The following LSAMP variants were observed in gnomAD, a reference collection of about 807,000 sequenced individuals.
LSAMP encodes limbic system-associated membrane protein.
A neutral mutation model predicts 38.6 loss-of-function variants in LSAMP; 7 were observed. The observed-to-expected ratio is 0.18, with a 90% CI of 0.10 to 0.34. The LOEUF (loss-of-function observed/expected upper bound fraction) is 0.34. Ranked by LOEUF, LSAMP falls within the 10% of genes least tolerant of loss-of-function variation. The probability of loss-of-function intolerance (pLI) is 1.00; values close to 1 mark genes in which losing one functional copy is unlikely to be tolerated. For synonymous variants in LSAMP, 154 were observed against 166.8 expected, an observed-to-expected ratio of 0.92 and a Z score of 0.59; for missense variants, 313 against 420.0, an observed-to-expected ratio of 0.75 and a Z score of 2.23.
At chr3:116,319,386 T>G (rs574673016) in intron 1 of LSAMP, among the ~76,000 whole-genome samples, 1 of 152,312 alleles carries the variant, frequency 6.6e-6, no homozygotes, top group African/African-American at 2.4e-5. Flanking sequence ...TGTATACAGA[T>G]AGTTACATGA....
rs139597247 is a variant in LSAMP, at chr3:116,103,009, C to CA, written c.156-16454dup. Among the ~76,000 whole-genome samples, 1,351 of 151,888 alleles carry CA rather than the reference C, an allele frequency of 8.9e-3. 11 individuals are homozygous for CA. The highest frequency in any genetic ancestry group is 0.014 in the Non-Finnish European group (950 of 67,912). ...TCAATCACAGTATTACCCACCCCCC[C>CA]AAAAAAAACTTTACTAAAGGAAGTT... On this transcript the variant is annotated intron_variant, in intron 1 of 6. Transcript: ENST00000490035.
intron 1 of LSAMP, among the ~76,000 whole-genome samples, chr3:116,139,412 C>T (rs1382536788): frequency 1.3e-5 from 2 of 151,988 alleles, no homozygotes; most frequent in Admixed American, 6.6e-5. Flanking sequence ...TTCATTATGA[C>T]ATCAATGAAG....
intron 6 of LSAMP, among the ~76,000 whole-genome samples, chr3:115,820,063 T>A (rs975229341): frequency 6.6e-6 from 1 of 151,874 alleles, no homozygotes; most frequent in African/African-American, 2.4e-5. Flanking sequence ...CATGAAATAG[T>A]ACTCTTTAAG....
intron 6 of LSAMP, among the ~76,000 whole-genome samples, chr3:115,817,681 C>A (rs1355446678): frequency 6.6e-6 from 1 of 152,142 alleles, no homozygotes; most frequent in Non-Finnish European, 1.5e-5. Context: ...TCTTTTTGTC[C>A]TTGAAGCCCA....
chr3:116,182,458 T>C (rs1324163883), intron 1 of LSAMP, among the ~76,000 whole-genome samples: 4 of 151,622 alleles, frequency 2.6e-5, no homozygotes, highest in African/African-American at 9.7e-5. Flanking sequence ...GAGCCTAATC[T>C]AGAAGTCTGC....
At chr3:115,902,660 C>T (rs1014229365) in intron 3 of LSAMP, among the ~76,000 whole-genome samples, 2 of 152,036 alleles carry the variant, frequency 1.3e-5, no homozygotes, top group Admixed American at 6.6e-5. Context: ...AAACAAACAT[C>T]CCCATTGAAA....
intron 2 of LSAMP, among the ~76,000 whole-genome samples, chr3:116,023,189 T>C (rs73139172): frequency 3.2e-4 from 49 of 151,794 alleles, no homozygotes; most frequent in East Asian, 9.7e-4. Flanking sequence ...TATATATATA[T>C]ACACACATAT....
chr3:115,936,137 TACA>T (rs1437389506), intron 3 of LSAMP, among the ~76,000 whole-genome samples: 2 of 152,198 alleles, frequency 1.3e-5, no homozygotes, highest in Non-Finnish European at 2.9e-5. Context: ...CACACTTTCT[TACA>T]ACATTTCCAG....
At chr3:116,110,850 C>T (rs1461386408) in intron 1 of LSAMP, among the ~76,000 whole-genome samples, 1 of 152,104 alleles carries the variant, frequency 6.6e-6, no homozygotes, top group Non-Finnish European at 1.5e-5. Flanking sequence ...GTGTAAGCAA[C>T]ATGGCTGTTT....
At chr3:116,072,596 TG>T (rs1707635249) in intron 2 of LSAMP, among the ~76,000 whole-genome samples, 1 of 152,178 alleles carries the variant, frequency 6.6e-6, no homozygotes, top group South Asian at 2.1e-4. Context: ...CCATTTTGAC[TG>T]GTGTGAGACG....
intron 1 of LSAMP, among the ~76,000 whole-genome samples, chr3:116,105,406 A>C (rs1708441204): frequency 6.6e-6 from 1 of 152,224 alleles, no homozygotes; most frequent in Admixed American, 6.5e-5. Context: ...TTGTGTGAGC[A>C]ACATGGCTGT....
Position 116,308,953 on chromosome 3 carries a change from T to C in LSAMP, c.155+135924A>G, listed in dbSNP as rs536818038. On this transcript the variant is annotated intron_variant, in intron 1 of 6. Coordinates refer to ENST00000490035, the MANE Select transcript of LSAMP (RefSeq NM_002338.5). ...TAACATACATTTTACAAATTTACAG[T>C]AGCCTATAATTCTTCGACAACATTA... 2.6e-4 allele frequency among the ~76,000 whole-genome samples: 39 copies of C among 152,242 alleles called. No homozygotes were observed. In the South Asian group the frequency reaches 7.5e-3, roughly 29 times the overall value.
At chr3:116,126,978 C>G (rs1386572335) in intron 1 of LSAMP, among the ~76,000 whole-genome samples, 1 of 152,170 alleles carries the variant, frequency 6.6e-6, no homozygotes, top group Non-Finnish European at 1.5e-5. Context: ...CTCTGAAAAT[C>G]TTTAAGGCAT....
chr3:115,938,607 T>C (rs1937791057), intron 3 of LSAMP, among the ~76,000 whole-genome samples: 1 of 152,200 alleles, frequency 6.6e-6, no homozygotes, highest in African/African-American at 2.4e-5. Context: ...CTGAATAACA[T>C]GAGTTTTGAT....
At chr3:116,151,111 A>C (rs541694778) in intron 1 of LSAMP, among the ~76,000 whole-genome samples, 115 of 152,162 alleles carry the variant, frequency 7.6e-4, no homozygotes, top group African/African-American at 2.6e-3. Context: ...TATTATTTCA[A>C]AATCCTTTCT....
At chr3:116,033,872 G>C (rs1013179152) in intron 2 of LSAMP, among the ~76,000 whole-genome samples, 3 of 152,096 alleles carry the variant, frequency 2.0e-5, no homozygotes, top group African/African-American at 7.2e-5. Context: ...TCAGCAGCTC[G>C]TCCACAAGGG....
rs1424658534 is a variant in LSAMP at position 115,859,780 on chromosome 3, AAAT to A, written c.515-7166_515-7164del. 2.6e-5 allele frequency among the ~76,000 whole-genome samples: 4 copies of A among 152,248 alleles called. No individual in the cohort carries two copies. In the East Asian group the frequency reaches 7.7e-4, roughly 29 times the overall value. On this transcript the variant is annotated intron_variant, in intron 3 of 6. Coordinates refer to ENST00000490035, the MANE Select transcript of LSAMP (RefSeq NM_002338.5). ...TTGCATTTTTGCTTTCACATATAAA[AAAT>A]AAGCCAGCTGAAATAGTTTGAGCTG...
At chr3:115,913,810 T>A (rs535980675) in intron 3 of LSAMP, among the ~76,000 whole-genome samples, 2 of 152,146 alleles carry the variant, frequency 1.3e-5, no homozygotes, top group Non-Finnish European at 2.9e-5. Flanking sequence ...TTTTCATGCA[T>A]GTGTCCCAAG....
intron 3 of LSAMP, among the ~76,000 whole-genome samples, chr3:116,005,513 G>A (rs1940130963): frequency 6.6e-6 from 1 of 152,116 alleles, no homozygotes; most frequent in South Asian, 2.1e-4. Flanking sequence ...AAATAGAACT[G>A]AGTGAAGATT....
Sources: gnomAD v4.1 joint callset for allele counts (sites outside exome capture counted in the v4.1 genomes callset) on GRCh38, gnomAD v4.1.1 for gene constraint, MANE v1.5 for transcripts, NCBI Gene and HGNC (gene_info 2026-07-23, HGNC 2026-07-21) for gene names.